The following UBE2K variants were observed in gnomAD, a reference collection of about 807,000 sequenced individuals.
UBE2K encodes the protein ubiquitin conjugating enzyme E2 K.
UBE2K carries 6 observed loss-of-function variants against 30.0 expected under a neutral mutation model. The observed-to-expected ratio is 0.20, with a 90% CI of 0.11 to 0.39. UBE2K has a LOEUF of 0.39. Ranked by LOEUF, UBE2K falls within the 10% of genes least tolerant of loss-of-function variation. UBE2K has a pLI of 1.00. For synonymous variants in UBE2K, 86 were observed against 83.7 expected, an observed-to-expected ratio of 1.03 and a Z score of -0.15; for missense variants, 61 against 241.6, an observed-to-expected ratio of 0.25 and a Z score of 4.96.
chr4:39,775,485 C>T (rs983462545), intron 5 of UBE2K, among the ~76,000 whole-genome samples: 1 of 152,178 alleles, frequency 6.6e-6, no homozygotes, highest in Admixed American at 6.5e-5. Flanking sequence ...TGTGTTGGCT[C>T]ATGCATGTAA....
intron 1 of UBE2K, among the ~76,000 whole-genome samples, chr4:39,724,707 T>A (rs1439440712): frequency 6.6e-6 from 1 of 151,390 alleles, no homozygotes; most frequent in African/African-American, 2.4e-5. Flanking sequence ...GAGGCAAAAG[T>A]TGCAATGAGC....
At chr4:39,754,559 G>A (rs1026782950) in intron 3 of UBE2K, among the ~76,000 whole-genome samples, 1 of 152,200 alleles carries the variant, frequency 6.6e-6, no homozygotes, top group Non-Finnish European at 1.5e-5. Flanking sequence ...TGCCCAGGCT[G>A]TAGTACAGTG....
intron 1 of UBE2K, among the ~76,000 whole-genome samples, chr4:39,735,522 A>C (rs1039131138): frequency 4.6e-5 from 7 of 152,194 alleles, no homozygotes; most frequent in Non-Finnish European, 8.8e-5. Flanking sequence ...CTGGGACTGC[A>C]GGTGCCCGCC....
chr4:39,698,307 G>C lies in UBE2K; in HGVS notation c.-21G>C, dbSNP rs937512134. ...TAGCGGTGGCGGAGGAGGCGGGTAC[G>C]AATCAGCTGCGGGCGGAGACATGGC... On this transcript the variant is annotated 5_prime_UTR_variant, in exon 1 of 7. Coordinates refer to ENST00000261427, the MANE Select transcript of UBE2K (RefSeq NM_005339.5). 2 of 1,607,448 alleles carry C rather than the reference G, an allele frequency of 1.2e-6. No homozygotes were observed. The highest frequency in any genetic ancestry group is 1.7e-6 in the Non-Finnish European group (2 of 1,177,034).
At chr4:39,769,642 G>A (rs1181271971) in intron 4 of UBE2K, among the ~76,000 whole-genome samples, 1 of 151,592 alleles carries the variant, frequency 6.6e-6, no homozygotes, top group Admixed American at 6.6e-5. Flanking sequence ...ATAAGCAGGA[G>A]CATGTCCTCC....
At chr4:39,731,383 A>C (rs957633207) in intron 1 of UBE2K, among the ~76,000 whole-genome samples, 2 of 151,770 alleles carry the variant, frequency 1.3e-5, no homozygotes, top group African/African-American at 4.8e-5. Flanking sequence ...TGGGACTGTT[A>C]TGTGCCATAA....
At chr4:39,732,698 CAG>C (rs1209048431) in intron 1 of UBE2K, among the ~76,000 whole-genome samples, 1 of 93,290 alleles carries the variant, frequency 1.1e-5, no homozygotes, top group Non-Finnish European at 1.9e-5. Flanking sequence ...TTTTTGGTGA[CAG>C]AGTCTTGCTT....
intron 1 of UBE2K, among the ~76,000 whole-genome samples, chr4:39,734,942 C>G (rs1296531500): frequency 6.6e-6 from 1 of 152,224 alleles, no homozygotes; most frequent in Non-Finnish European, 1.5e-5. Flanking sequence ...TAATCTCCCT[C>G]TCCTTTCCCA....
chr4:39,777,699 A>G lies in UBE2K; in HGVS notation c.417A>G (p.Glu139=). Residue 139 remains glutamate, a synonymous_variant, in exon 6 of 7, where the codon GAA becomes GAG. Transcript: ENST00000261427. ...VVANQYKQNP[E]MFKQTARLWA... ...CCATATAGTACAAACAAAATCCCGA[A>G]ATGTTCAAACAGACAGCTCGACTTT... 6.4e-7 allele frequency: 1 copy of G among 1,562,506 alleles called. No homozygotes were observed. Among genetic ancestry groups the G allele is most frequent in the Non-Finnish European group, 8.6e-7 (1 of 1,163,598 alleles).
At chr4:39,768,276 CAAAAAAAAA>C (rs35596173) in intron 4 of UBE2K, among the ~76,000 whole-genome samples, 6 of 113,582 alleles carry the variant, frequency 5.3e-5, no homozygotes, top group African/African-American at 2.1e-4. Context: ...CCGTCTCTAC[CAAAAAAAAA>C]AAAAAAAAAA....
At chr4:39,712,674 C>T (rs1718775503) in intron 1 of UBE2K, among the ~76,000 whole-genome samples, 1 of 152,038 alleles carries the variant, frequency 6.6e-6, no homozygotes, top group Admixed American at 6.6e-5. Flanking sequence ...CCCACCTCGG[C>T]CTCCCAAAGT....
At chr4:39,724,060 G>A (rs1222174463) in intron 1 of UBE2K, among the ~76,000 whole-genome samples, 3 of 151,806 alleles carry the variant, frequency 2.0e-5, no homozygotes, top group Admixed American at 6.6e-5. Context: ...TGATCCACCC[G>A]CCTCAGCCTC....
intron 4 of UBE2K, among the ~76,000 whole-genome samples, chr4:39,757,009 TTGTTTTTTGTTTTTTGTTTTTTG>T (rs1721558046): frequency 8.6e-6 from 1 of 116,306 alleles, no homozygotes; most frequent in Admixed American, 1.0e-4. Flanking sequence ...TGTTTTTTTT[TTGTTTTTTGTTTTTTGTTTTTTG>T]TTTTTTTTTT....
chr4:39,725,001 A>T (rs757793870), intron 1 of UBE2K, among the ~76,000 whole-genome samples: 2 of 152,110 alleles, frequency 1.3e-5, no homozygotes, highest in African/African-American at 4.8e-5. Flanking sequence ...TGAGACATGC[A>T]GTTATATATT....
intron 1 of UBE2K, among the ~76,000 whole-genome samples, chr4:39,724,676 A>G (rs1420573107): frequency 4.0e-5 from 6 of 150,352 alleles, no homozygotes; most frequent in African/African-American, 1.2e-4. Context: ...GGGCTGAGGC[A>G]GGAGGATCAC....
At chr4:39,740,731 T>C (rs1346934656) in intron 2 of UBE2K, among the ~76,000 whole-genome samples, 2 of 149,372 alleles carry the variant, frequency 1.3e-5, no homozygotes, top group Non-Finnish European at 3.0e-5. Flanking sequence ...GGCGTGATGG[T>C]GGGCGCCTGT....
intron 1 of UBE2K, among the ~76,000 whole-genome samples, chr4:39,712,714 T>G (rs901707528): frequency 6.8e-6 from 1 of 147,760 alleles, no homozygotes; most frequent in Non-Finnish European, 1.5e-5. Flanking sequence ...GCCACCGCAC[T>G]CGGCCTACAT....
intron 1 of UBE2K, among the ~76,000 whole-genome samples, chr4:39,706,092 A>C (rs1463776698): frequency 6.6e-6 from 1 of 152,146 alleles, no homozygotes; most frequent in Admixed American, 6.5e-5. Context: ...GCTCACTGCA[A>C]GCTCCGCCTC....
At chr4:39,741,959 T>C (rs1672717606) in intron 2 of UBE2K, among the ~76,000 whole-genome samples, 1 of 152,168 alleles carries the variant, frequency 6.6e-6, no homozygotes, top group South Asian at 2.1e-4. Context: ...TTAGTTGTAT[T>C]ACCCTGATCA....
Sources: gnomAD v4.1 joint callset for allele counts (sites outside exome capture counted in the v4.1 genomes callset) on GRCh38, gnomAD v4.1.1 for gene constraint, MANE v1.5 for transcripts, NCBI Gene and HGNC (gene_info 2026-07-23, HGNC 2026-07-21) for gene names.